Variants in FRY observed in about 807,000 individuals in gnomAD.
FRY encodes the protein FRY microtubule binding protein.
A neutral mutation model predicts 348.4 loss-of-function variants in FRY; 128 were observed. That is an observed-to-expected ratio of 0.37 (90% CI 0.32 to 0.43). The LOEUF is 0.43. Among genes scored for constraint, FRY ranks in the 20% least tolerant of loss-of-function variants. The pLI is 1.00. For missense variants in FRY, 2,736 were observed against 3,695.2 expected, an observed-to-expected ratio of 0.74 and a Z score of 6.73; for synonymous variants, 1,370 against 1,374.7, an observed-to-expected ratio of 1.00 and a Z score of 0.08.
intron 58 of FRY, among the ~76,000 whole-genome samples, chr13:32,285,082 G>A (rs1267321349): frequency 1.3e-5 from 2 of 152,096 alleles, no homozygotes; most frequent in Non-Finnish European, 2.9e-5. Flanking sequence ...GCCATATCAG[G>A]AGAGCAGGAA....
intron 17 of FRY, among the ~76,000 whole-genome samples, chr13:32,169,640 C>G (rs562429350): frequency 2.6e-5 from 4 of 152,280 alleles, no homozygotes; most frequent in Admixed American, 1.3e-4. Flanking sequence ...AGTTGAGCTG[C>G]CTCTGCTTCC....
rs1045251229 is a variant in FRY, at chr13:32,235,989, T to G, written c.5716-89T>G. On this transcript the variant is annotated intron_variant, in intron 42 of 60. Transcript: ENST00000542859. The stretch of plus-strand genomic sequence containing the variant: ...TAAATTAAAGCAGCAATAACATTAT[T>G]GGAATACAGTTTACATTAATTAAAT... 1.5e-5 allele frequency: 14 copies of G among 940,762 alleles called. No individual in the cohort carries two copies. The Admixed American group carries it at 2.4e-4, about 16-fold the overall frequency. 58.3% of individuals were successfully genotyped at this position (940,762 alleles called of 1,614,324 possible).
chr13:32,268,505 A>AAATAT (rs1555273232), intron 55 of FRY, among the ~76,000 whole-genome samples: 6 of 28,318 alleles, frequency 2.1e-4, no homozygotes, highest in African/African-American at 3.7e-4. Context: ...AAAAAAAAAA[A>AAATAT]ATATATATAT....
intron 58 of FRY, chr13:32,287,962 A>T (rs576719646): frequency 3.9e-6 from 2 of 517,566 alleles, no homozygotes; most frequent in African/African-American, 4.0e-5. Flanking sequence ...CGTTACTGTT[A>T]CATCTCTTAG....
At chr13:32,059,174 T>TG (rs1281713229) in intron 1 of FRY, among the ~76,000 whole-genome samples, 8 of 148,468 alleles carry the variant, frequency 5.4e-5, no homozygotes, top group Admixed American at 4.7e-4. Context: ...AAGAGGATAC[T>TG]TTTTTTTTTC....
chr13:32,186,194 A>AAT (rs1883017490), intron 26 of FRY, 66 bp from the exon 27 acceptor site: 6 of 1,176,146 alleles, frequency 5.1e-6, no homozygotes, highest in Non-Finnish European at 6.4e-6. Flanking sequence ...AAATGTAAGA[A>AAT]ATATATATAA....
intron 4 of FRY, among the ~76,000 whole-genome samples, chr13:32,118,963 T>A (rs74046718): frequency 0.08 from 12,150 of 152,204 alleles, 512 homozygotes; most frequent in African/African-American, 0.13. Context: ...TTTAGTTTTG[T>A]TCCTCTGTTT....
intron 1 of FRY, among the ~76,000 whole-genome samples, chr13:32,050,068 TG>T (rs2138397572): frequency 6.6e-6 from 1 of 152,364 alleles, no homozygotes; most frequent in South Asian, 2.1e-4. Flanking sequence ...ATAGCTGCTA[TG>T]TAAAGCCCCT....
intron 1 of FRY, among the ~76,000 whole-genome samples, chr13:32,038,940 A>G (rs1872649287): frequency 6.6e-6 from 1 of 152,212 alleles, no homozygotes; most frequent in Admixed American, 6.5e-5. Context: ...TCCTTCATCC[A>G]GGCTCTCAGA....
At chr13:32,090,988 G>C (rs1351864987) in intron 2 of FRY, among the ~76,000 whole-genome samples, 1 of 152,048 alleles carries the variant, frequency 6.6e-6, no homozygotes, top group Non-Finnish European at 1.5e-5. Flanking sequence ...TCATAGCATA[G>C]GGTACTGGGC....
At chr13:32,059,885 A>G (rs1325266268) in intron 1 of FRY, among the ~76,000 whole-genome samples, 2 of 152,232 alleles carry the variant, frequency 1.3e-5, no homozygotes, top group South Asian at 2.1e-4. Flanking sequence ...TGTCAACTCT[A>G]CAGAGGCATT....
chr13:32,124,589 CTT>C lies in FRY; in HGVS notation c.556-5_556-4del. 2 of 1,501,308 alleles carry C rather than the reference CTT, an allele frequency of 1.3e-6. No homozygotes were observed. The highest frequency in any genetic ancestry group is 1.9e-6 in the Non-Finnish European group (2 of 1,080,588). The allele number at this position is 1,501,308 out of a possible 1,614,324, so 93.0% of individuals were successfully genotyped here. A position where few individuals can be genotyped will look rare whatever the true frequency, so the allele number is the denominator to read the frequency against. On this transcript the variant is annotated splice_polypyrimidine_tract_variant and intron_variant, in intron 5 of 60. Transcript: ENST00000542859. ...TATTCCCTTCTGAGTTAAGAACCACCTTTTTTTTTCAGATTCCACTTCATCCT... is the reference window on the plus strand; with the variant it reads ...TATTCCCTTCTGAGTTAAGAACCACCTTTTTTTCAGATTCCACTTCATCCT...
In FRY at chr13:32,239,651, TA is replaced by T; in HGVS notation, c.6517-58del. 8.2e-7 allele frequency: 1 copy of T among 1,218,548 alleles called. No homozygotes were observed. 75.5% of individuals were successfully genotyped at this position (1,218,548 alleles called of 1,614,324 possible). On this transcript the variant is annotated intron_variant, in intron 45 of 60. Transcript: ENST00000542859. This position sits in a 1 kb window ranked among gnomAD's most constrained non-coding sequence, Gnocchi z 4.3. ...TGGCCAGAGCTTATAGTAAAATTGC[TA>T]ACATTTCTTCCTATTCATTGGGCTA...
At chr13:32,161,724 G>A (rs1446346840) in intron 17 of FRY, among the ~76,000 whole-genome samples, 1 of 152,146 alleles carries the variant, frequency 6.6e-6, no homozygotes, top group Non-Finnish European at 1.5e-5. Context: ...CCAATCTGAG[G>A]CCCACAGACC....
chr13:32,132,561 T>C (rs1433227959), intron 8 of FRY, among the ~76,000 whole-genome samples: 5 of 152,178 alleles, frequency 3.3e-5, no homozygotes, highest in African/African-American at 9.7e-5. Flanking sequence ...ACACTGCTGG[T>C]ATGAGTGCAA....
chr13:32,279,273 A>G (rs1415903891), intron 58 of FRY, among the ~76,000 whole-genome samples: 1 of 152,232 alleles, frequency 6.6e-6, no homozygotes, highest in African/African-American at 2.4e-5. Context: ...AGGGTTCTCC[A>G]TGGAAGTAGC....
chr13:32,265,733 A>C, intron 54 of FRY, 117 bp downstream of exon 54: 1 of 995,268 alleles, frequency 1.0e-6, no homozygotes, highest in South Asian at 1.4e-5. Flanking sequence ...AAAGGACTCC[A>C]AAGTGACATA....
intron 10 of FRY, among the ~76,000 whole-genome samples, chr13:32,136,225 G>T (rs866535279): frequency 6.6e-6 from 1 of 152,132 alleles, no homozygotes; most frequent in Admixed American, 6.5e-5. Flanking sequence ...TTCGGTGGCT[G>T]TTCATTACCT....
At chr13:32,291,507 G>A in intron 59 of FRY, among the ~76,000 whole-genome samples, 1 of 151,552 alleles carries the variant, frequency 6.6e-6, no homozygotes, top group East Asian at 1.9e-4. Context: ...CCAGGTTCAA[G>A]CGATTCTCCT....
Sources: gnomAD v4.1 joint callset for allele counts (sites outside exome capture counted in the v4.1 genomes callset) on GRCh38, gnomAD v4.1.1 for gene constraint, Gnocchi (gnomAD v3.1) non-coding constraint, MANE v1.5 for transcripts, NCBI Gene and HGNC (gene_info 2026-07-23, HGNC 2026-07-21) for gene names.